The following CDH8 variants were observed in gnomAD, a reference collection of about 807,000 sequenced individuals.
The protein encoded by CDH8 is cadherin-8.
A neutral mutation model predicts 68.1 loss-of-function variants in CDH8; 17 were observed. That is an observed-to-expected ratio of 0.25 (90% CI 0.17 to 0.37). The LOEUF (loss-of-function observed/expected upper bound fraction) is 0.37. CDH8 is among the 10% of genes least tolerant of loss of function. The pLI, the probability that CDH8 is intolerant of heterozygous loss-of-function variation, is 1.00. For synonymous variants in CDH8, 372 were observed against 365.1 expected (o/e 1.02, Z -0.21); for missense variants, 763 against 999.3 (o/e 0.76, Z 3.19).
At chr16:61,656,168 G>C (rs988446008) in intron 10 of CDH8, among the ~76,000 whole-genome samples, 1 of 152,090 alleles carries the variant, frequency 6.6e-6, no homozygotes, top group Non-Finnish European at 1.5e-5. Context: ...CACTGCGCCC[G>C]GCCTGCGCTT....
chr16:61,984,299 T>TA (rs1965591415), intron 2 of CDH8, among the ~76,000 whole-genome samples: 2 of 152,184 alleles, frequency 1.3e-5, no homozygotes, highest in Admixed American at 1.3e-4. Context: ...GCCCCACTTC[T>TA]AAAACCATCG....
intron 2 of CDH8, among the ~76,000 whole-genome samples, chr16:61,979,668 T>A (rs933343620): frequency 5.3e-5 from 8 of 151,720 alleles, no homozygotes; most frequent in African/African-American, 1.9e-4. Context: ...TAAGATACCA[T>A]CAGGTTTTTC....
At chr16:61,948,395 C>A (rs1382630174) in intron 2 of CDH8, among the ~76,000 whole-genome samples, 1 of 152,158 alleles carries the variant, frequency 6.6e-6, no homozygotes, top group Non-Finnish European at 1.5e-5. Context: ...ACACACTACT[C>A]ATTCATTATT....
At chr16:61,824,893 C>T in intron 5 of CDH8, 119 bp downstream of exon 5, 2 of 800,906 alleles carry the variant, frequency 2.5e-6, no homozygotes, top group South Asian at 3.4e-5. Context: ...CCATACCTGG[C>T]ACATAATAAG....
At chr16:61,809,284 A>G (rs944516657) in intron 7 of CDH8, among the ~76,000 whole-genome samples, 10 of 152,150 alleles carry the variant, frequency 6.6e-5, no homozygotes, top group Non-Finnish European at 1.3e-4. Context: ...GAGTCAAAGT[A>G]TTTACTAACG....
At chr16:62,002,433 C>T (rs574126301) in intron 2 of CDH8, among the ~76,000 whole-genome samples, 18 of 152,154 alleles carry the variant, frequency 1.2e-4, no homozygotes, top group Non-Finnish European at 1.9e-4. Flanking sequence ...TTCATTAAAT[C>T]GGTTTATAGC....
At chr16:61,841,926 C>T (rs538411434) in intron 4 of CDH8, among the ~76,000 whole-genome samples, 118 of 152,204 alleles carry the variant, frequency 7.8e-4, no homozygotes, top group African/African-American at 2.7e-3. Flanking sequence ...CTTGCTCTGT[C>T]GCCCAGGCTG....
At chr16:61,852,411 A>T (rs1475423973) in intron 4 of CDH8, among the ~76,000 whole-genome samples, 2 of 152,100 alleles carry the variant, frequency 1.3e-5, no homozygotes, top group Non-Finnish European at 2.9e-5. Flanking sequence ...ATAGGAAGAT[A>T]TATTAATAAT....
At chr16:61,752,617 G>C (rs1020393992) in intron 8 of CDH8, among the ~76,000 whole-genome samples, 1 of 152,072 alleles carries the variant, frequency 6.6e-6, no homozygotes, top group Non-Finnish European at 1.5e-5. Flanking sequence ...CCCATATCTT[G>C]ACAGTCTGAT....
intron 2 of CDH8, among the ~76,000 whole-genome samples, chr16:62,006,403 C>T (rs1965976099): frequency 6.6e-6 from 1 of 152,100 alleles, no homozygotes; most frequent in African/African-American, 2.4e-5. Context: ...ATTCCAATCC[C>T]AATTCCCCAC....
chr16:61,989,643 T>A (rs1344773134), intron 2 of CDH8, among the ~76,000 whole-genome samples: 1 of 152,226 alleles, frequency 6.6e-6, no homozygotes, highest in African/African-American at 2.4e-5. Context: ...CTGCCATCCT[T>A]AGCTCCTATG....
At chr16:62,022,484 A>G (rs1244186433) in intron 1 of CDH8, among the ~76,000 whole-genome samples, 1 of 152,136 alleles carries the variant, frequency 6.6e-6, no homozygotes, top group Non-Finnish European at 1.5e-5. Flanking sequence ...AATCCCCATT[A>G]CCTGAGGTGT....
chr16:61,905,244 A>G (rs373769494), intron 2 of CDH8, among the ~76,000 whole-genome samples: 75 of 152,286 alleles, frequency 4.9e-4, no homozygotes, highest in African/African-American at 1.7e-3. Flanking sequence ...CTGTAGTACA[A>G]TAAGATCTCA....
chr16:61,787,486 G>GT (rs1373795924), intron 8 of CDH8, among the ~76,000 whole-genome samples: 1 of 140,856 alleles, frequency 7.1e-6, no homozygotes, highest in East Asian at 2.0e-4. Flanking sequence ...CTTTTACACT[G>GT]TTGGTGGGAC....
At chr16:61,707,317 A>G (rs1273135500) in intron 10 of CDH8, among the ~76,000 whole-genome samples, 1 of 152,206 alleles carries the variant, frequency 6.6e-6, no homozygotes, top group Non-Finnish European at 1.5e-5. Context: ...TTAATATTTT[A>G]TTATTTAAAA....
chr16:61,758,673 T>TCCG (rs1156532025), intron 8 of CDH8, among the ~76,000 whole-genome samples: 1 of 152,156 alleles, frequency 6.6e-6, no homozygotes, highest in Non-Finnish European at 1.5e-5. Context: ...CCTCAAGTGA[T>TCCG]CCGCCCACCT....
chr16:61,733,320 T>C (rs902809279), intron 8 of CDH8, among the ~76,000 whole-genome samples: 1 of 151,890 alleles, frequency 6.6e-6, no homozygotes, highest in East Asian at 1.9e-4. Flanking sequence ...TACAAATACA[T>C]TTCCCTAGTC....
At chr16:61,747,460 A>T (rs1256946209) in intron 8 of CDH8, among the ~76,000 whole-genome samples, 1 of 152,102 alleles carries the variant, frequency 6.6e-6, no homozygotes, top group Non-Finnish European at 1.5e-5. Context: ...GTTAATGGAA[A>T]GTTAATAAAC....
At chr16:61,921,577 C>T (rs901944324) in intron 2 of CDH8, among the ~76,000 whole-genome samples, 7 of 152,288 alleles carry the variant, frequency 4.6e-5, no homozygotes, top group African/African-American at 1.7e-4. Flanking sequence ...GCTGATGTTA[C>T]AGAATATGAT....
Sources: gnomAD v4.1 joint callset for allele counts (sites outside exome capture counted in the v4.1 genomes callset) on GRCh38, gnomAD v4.1.1 for gene constraint, MANE v1.5 for transcripts, NCBI Gene and HGNC (gene_info 2026-07-23, HGNC 2026-07-21) for gene names.